ERC2: variants seen among roughly 807,000 people sequenced by gnomAD.
ERC2 encodes the protein ELKS/RAB6-interacting/CAST family member 2, also known as ERC protein 2.
Under a neutral mutation model 114.8 loss-of-function variants are expected in ERC2, and 42 were observed. That is an observed-to-expected ratio of 0.37 (90% CI 0.29 to 0.47). The LOEUF (loss-of-function observed/expected upper bound fraction) is 0.47, where lower values mean the gene tolerates loss of function less well. ERC2 is among the 20% of genes least tolerant of loss of function. The pLI, the probability that ERC2 is intolerant of heterozygous loss-of-function variation, is 0.99. For missense variants in ERC2, 939 were observed against 1,150.7 expected (o/e 0.82, Z 2.66); for synonymous variants, 454 against 425.5 (o/e 1.07, Z -0.82).
At chr3:56,455,112 A>C (rs2063005963) in intron 1 of ERC2, among the ~76,000 whole-genome samples, 3 of 152,094 alleles carry the variant, frequency 2.0e-5, no homozygotes, top group Admixed American at 2.0e-4. Flanking sequence ...AAAGCTCTGG[A>C]GATTGATGGT....
At chr3:56,244,862 A>C (rs1004587461) in intron 3 of ERC2, among the ~76,000 whole-genome samples, 5 of 152,150 alleles carry the variant, frequency 3.3e-5, no homozygotes, top group Non-Finnish European at 7.4e-5. Flanking sequence ...AACTCCATTC[A>C]TGGTAGGTGG....
intron 1 of ERC2, among the ~76,000 whole-genome samples, chr3:56,459,959 A>G (rs1204381903): frequency 6.6e-6 from 1 of 152,214 alleles, no homozygotes; most frequent in Non-Finnish European, 1.5e-5. Flanking sequence ...ACAAATCTGG[A>G]AGATGTAAGT....
intron 14 of ERC2, among the ~76,000 whole-genome samples, chr3:55,870,600 C>G (rs2062538418): frequency 6.6e-6 from 1 of 152,068 alleles, no homozygotes; most frequent in Admixed American, 6.5e-5. Context: ...GGCCAAGATT[C>G]AAATCCAAGT....
At chr3:56,329,730 T>A (rs1349059557) in intron 2 of ERC2, among the ~76,000 whole-genome samples, 1 of 152,020 alleles carries the variant, frequency 6.6e-6, no homozygotes, top group African/African-American at 2.4e-5. Flanking sequence ...ACATTTTGAT[T>A]AAGTACTAAT....
chr3:56,407,887 C>T (rs563027768), intron 2 of ERC2, among the ~76,000 whole-genome samples: 14 of 152,252 alleles, frequency 9.2e-5, no homozygotes, highest in African/African-American at 2.9e-4. Context: ...TCCCCCACCA[C>T]CAGCTACTCC....
At chr3:56,040,400 G>C (rs948159070) in intron 7 of ERC2, among the ~76,000 whole-genome samples, 20 of 150,622 alleles carry the variant, frequency 1.3e-4, no homozygotes, top group African/African-American at 4.6e-4. Flanking sequence ...TGTCACCTAG[G>C]CCGGAGTGCA....
chr3:56,149,543 T>C (rs2081311535), intron 4 of ERC2, among the ~76,000 whole-genome samples: 1 of 152,186 alleles, frequency 6.6e-6, no homozygotes, highest in Admixed American at 6.5e-5. Flanking sequence ...TATGTGTATA[T>C]TTTATGGCTG....
chr3:56,446,482 C>A (rs2062567733), intron 1 of ERC2, among the ~76,000 whole-genome samples: 1 of 152,026 alleles, frequency 6.6e-6, no homozygotes. Context: ...GGGTTCCCCA[C>A]CGGCAGATGC....
At chr3:56,196,469 C>T (rs996422405) in intron 3 of ERC2, among the ~76,000 whole-genome samples, 9 of 150,580 alleles carry the variant, frequency 6.0e-5, no homozygotes, top group African/African-American at 2.2e-4. Context: ...TGCTGAGTCA[C>T]AGGACAGATG....
chr3:56,165,854 C>T (rs140067314), intron 4 of ERC2, among the ~76,000 whole-genome samples: 2 of 151,598 alleles, frequency 1.3e-5, no homozygotes, highest in Non-Finnish European at 1.5e-5. Context: ...TCTACAGACT[C>T]GATTATGGTA....
intron 2 of ERC2, among the ~76,000 whole-genome samples, chr3:56,389,202 C>T (rs1206656848): frequency 6.6e-6 from 1 of 152,074 alleles, no homozygotes; most frequent in Non-Finnish European, 1.5e-5. Flanking sequence ...GACTCTATTG[C>T]ATGGGAGGAG....
chr3:55,721,782 C>T (rs779621320), intron 15 of ERC2, among the ~76,000 whole-genome samples: 2 of 152,208 alleles, frequency 1.3e-5, no homozygotes, highest in Admixed American at 6.5e-5. Context: ...ACCCCCAAAC[C>T]AGGAAGACTG....
At chr3:56,351,697 C>T (rs533856046) in intron 2 of ERC2, among the ~76,000 whole-genome samples, 4 of 152,082 alleles carry the variant, frequency 2.6e-5, no homozygotes, top group African/African-American at 9.7e-5. Context: ...TGGCAGAGTG[C>T]CTAGAGAACT....
chr3:55,671,108 T>C (rs970643935), intron 17 of ERC2, among the ~76,000 whole-genome samples: 1 of 152,170 alleles, frequency 6.6e-6, no homozygotes, highest in African/African-American at 2.4e-5. Context: ...CCTATCTGTA[T>C]GGACAGATAT....
intron 13 of ERC2, among the ~76,000 whole-genome samples, chr3:55,942,443 T>A (rs1468549914): frequency 6.7e-5 from 10 of 149,324 alleles, no homozygotes; most frequent in African/African-American, 2.4e-4. Context: ...CGCCCGCCAC[T>A]ACGCCCGGCT....
chr3:56,153,674 G>T (rs2081548239), intron 4 of ERC2, among the ~76,000 whole-genome samples: 1 of 152,138 alleles, frequency 6.6e-6, no homozygotes, highest in African/African-American at 2.4e-5. Context: ...TAAACAGCAA[G>T]AAACAGATTT....
intron 3 of ERC2, among the ~76,000 whole-genome samples, chr3:56,280,689 C>T (rs535795390): frequency 1.3e-5 from 2 of 152,252 alleles, no homozygotes; most frequent in East Asian, 1.9e-4. Flanking sequence ...CTAGGTCTAC[C>T]GAGTTTTCAT....
At chr3:55,579,168 G>T (rs571255686) in intron 17 of ERC2, among the ~76,000 whole-genome samples, 83 of 152,258 alleles carry the variant, frequency 5.5e-4, no homozygotes, top group African/African-American at 1.6e-3. Context: ...CCTGAAAATT[G>T]GGGACATTTT....
chr3:55,615,287 A>G (rs2059077432), intron 17 of ERC2, among the ~76,000 whole-genome samples: 1 of 152,238 alleles, frequency 6.6e-6, no homozygotes, highest in African/African-American at 2.4e-5. Context: ...AAAGTTGACA[A>G]ATTTCATGGC....
Sources: gnomAD v4.1 joint callset for allele counts (sites outside exome capture counted in the v4.1 genomes callset) on GRCh38, gnomAD v4.1.1 for gene constraint, MANE v1.5 for transcripts, NCBI Gene and HGNC (gene_info 2026-07-23, HGNC 2026-07-21) for gene names.